The following PDE8B variants were observed in gnomAD, a reference collection of about 807,000 sequenced individuals.
PDE8B encodes the protein phosphodiesterase 8B.
In PDE8B, 26 loss-of-function variants were observed where a neutral mutation model predicts 101.3. The ratio of observed to expected loss-of-function variants is 0.26; its 90% CI spans 0.19 to 0.36. The LOEUF is 0.36. Ranked by LOEUF, PDE8B falls within the 10% of genes least tolerant of loss-of-function variation. PDE8B has a pLI of 1.00. For missense variants in PDE8B, 810 were observed against 1,163.1 expected (o/e 0.70, Z 4.42); for synonymous variants, 424 against 429.3 (o/e 0.99, Z 0.15).
chr5:77,181,666 A>G, the PDE8B span, among the ~76,000 whole-genome samples: 1 of 152,030 alleles, frequency 6.6e-6, no homozygotes, highest in Non-Finnish European at 1.5e-5. Flanking sequence ...TCCGCAGTTG[A>G]GTGGTGGTTA....
intron 9 of PDE8B, 40 bp from the exon 10 acceptor site, chr5:77,353,306 C>T: frequency 9.5e-7 from 1 of 1,047,720 alleles, no homozygotes. Context: ...GTTGAATCAT[C>T]TCATATCTGA....
chr5:77,380,090 C>T (rs902324185), intron 10 of PDE8B, among the ~76,000 whole-genome samples: 1 of 152,172 alleles, frequency 6.6e-6, no homozygotes, highest in Admixed American at 6.5e-5. Flanking sequence ...TTCATCTTAA[C>T]CAGGTTTTTT....
chr5:77,353,217 C>T lies in PDE8B; in HGVS notation c.1107-129C>T, dbSNP rs1781473914. 1.7e-5 allele frequency: 12 copies of T among 690,608 alleles called. No homozygotes were observed. In the South Asian group the frequency reaches 1.9e-4, roughly 11 times the overall value. 42.8% of individuals were successfully genotyped at this position (690,608 alleles called of 1,614,324 possible). A position where few individuals can be genotyped will look rare whatever the true frequency, so the allele number is the denominator to read the frequency against. Reference sequence around the variant, plus strand: ...TGTGTTTTCTGTAGATTGAGTCTTGCTTGAATTTTAAAACTGCCCTAGGAC... The same window carrying T: ...TGTGTTTTCTGTAGATTGAGTCTTGTTTGAATTTTAAAACTGCCCTAGGAC... On this transcript the variant is annotated intron_variant, in intron 9 of 21. Coordinates refer to ENST00000264917, the MANE Select transcript of PDE8B (RefSeq NM_003719.5).
chr5:77,303,424 C>T (rs1428431687), intron 1 of PDE8B, among the ~76,000 whole-genome samples: 1 of 152,012 alleles, frequency 6.6e-6, no homozygotes, highest in Non-Finnish European at 1.5e-5. Context: ...GTGTTCCCTA[C>T]TAAAATACAA....
At chr5:77,237,067 A>G (rs1195130078) in intron 1 of PDE8B, among the ~76,000 whole-genome samples, 2 of 152,120 alleles carry the variant, frequency 1.3e-5, no homozygotes, top group African/African-American at 4.8e-5. Flanking sequence ...TTTAATCTAA[A>G]GTTTACTTAG....
intron 1 of PDE8B, among the ~76,000 whole-genome samples, chr5:77,235,006 T>A (rs1028232171): frequency 2.6e-5 from 4 of 152,156 alleles, no homozygotes; most frequent in South Asian, 2.1e-4. Context: ...CAGTGGTCTC[T>A]CACCCCCAAC....
chr5:77,304,016 G>A (rs1770588360), intron 1 of PDE8B, among the ~76,000 whole-genome samples: 1 of 152,104 alleles, frequency 6.6e-6, no homozygotes, highest in African/African-American at 2.4e-5. Context: ...GAATATTCTT[G>A]TAAATGCCTC....
the PDE8B span, among the ~76,000 whole-genome samples, chr5:77,180,940 C>T: frequency 6.6e-6 from 1 of 151,274 alleles, no homozygotes; most frequent in Non-Finnish European, 1.5e-5. Flanking sequence ...AGTGAGTCGC[C>T]GGCAGCCCCA....
chr5:77,114,788 CA>C, the PDE8B span: 1 of 152,062 alleles, frequency 6.6e-6, no homozygotes, highest in Non-Finnish European at 1.5e-5. Context: ...CAACAATAAA[CA>C]TAATGCAATT....
intron 1 of PDE8B, among the ~76,000 whole-genome samples, chr5:77,307,136 C>G (rs147379298): frequency 2.2e-4 from 34 of 152,264 alleles, no homozygotes. Context: ...CCTTCCCAGT[C>G]GACCCTTTCT....
At chr5:77,231,015 G>A (rs554847216) in intron 1 of PDE8B, among the ~76,000 whole-genome samples, 1 of 152,314 alleles carries the variant, frequency 6.6e-6, no homozygotes, top group South Asian at 2.1e-4. Flanking sequence ...TGGTTCAGAA[G>A]TTTAGCATTA....
rs148859391 is a variant in PDE8B, at chr5:77,322,659, C to T, written c.400-2880C>T. The stretch of plus-strand genomic sequence containing the variant: ...TCTTGCCTTCAGGCATTTGCTCACA[C>T]GTCACTTTCTCAGCAGGACCTATTC... On this transcript the variant is annotated intron_variant, in intron 2 of 21. Coordinates refer to ENST00000264917, the MANE Select transcript of PDE8B (RefSeq NM_003719.5). 2.0e-3 allele frequency among the ~76,000 whole-genome samples: 310 copies of T among 152,326 alleles called. 1 individual carries two copies. The highest frequency in any genetic ancestry group is 0.011 in the South Asian group (52 of 4,816).
chr5:77,298,306 T>C (rs1207545939), intron 1 of PDE8B, among the ~76,000 whole-genome samples: 12 of 152,178 alleles, frequency 7.9e-5, no homozygotes, highest in South Asian at 2.1e-4. Context: ...TAGACTTAAA[T>C]TGAGGGCTGT....
intron 10 of PDE8B, among the ~76,000 whole-genome samples, chr5:77,356,208 C>T (rs1041522574): frequency 2.0e-5 from 3 of 152,148 alleles, no homozygotes; most frequent in Non-Finnish European, 2.9e-5. Flanking sequence ...CTAGCCTCTG[C>T]GTCCTGTCTC....
chr5:77,110,632 T>C, the PDE8B span, among the ~76,000 whole-genome samples: 1 of 152,174 alleles, frequency 6.6e-6, no homozygotes, highest in Non-Finnish European at 1.5e-5. Context: ...AGCTGCAGCT[T>C]TCTAAAGGAA....
intron 10 of PDE8B, among the ~76,000 whole-genome samples, chr5:77,376,980 C>T (rs551772560): frequency 3.2e-4 from 49 of 152,212 alleles, no homozygotes; most frequent in African/African-American, 9.2e-4. Context: ...AAGTGCCATC[C>T]GTCACTGACA....
At chr5:77,358,355 C>T (rs1325446103) in intron 10 of PDE8B, 6 of 731,726 alleles carry the variant, frequency 8.2e-6, no homozygotes, top group Admixed American at 6.3e-5. Flanking sequence ...CCCAGGAAAT[C>T]TTCCAAACCT....
chr5:77,425,847 G>A lies in PDE8B; in HGVS notation c.2499G>A (p.Gln833=), dbSNP rs760441833. ...DRNTCSIPKS[Q]ISFIDYFITD... ...ATACCTGTAGCATCCCCAAGTCTCAGATCTCTTTCATTGACTACTTCATAA... is the reference window on the plus strand; with the variant it reads ...ATACCTGTAGCATCCCCAAGTCTCAAATCTCTTTCATTGACTACTTCATAA... Residue 833 remains glutamine (Q), a synonymous_variant, in exon 21 of 22, where the codon CAG becomes CAA. Coordinates refer to ENST00000264917, the MANE Select transcript of PDE8B (RefSeq NM_003719.5). The A allele has an allele frequency of 6.2e-6, 10 of 1,613,370 alleles. No individual in the cohort carries two copies. The African/African-American group carries it at 1.1e-4, about 17-fold the overall frequency.
intron 10 of PDE8B, among the ~76,000 whole-genome samples, chr5:77,386,698 A>G (rs960024402): frequency 2.6e-5 from 4 of 151,930 alleles, no homozygotes; most frequent in African/African-American, 9.7e-5. Flanking sequence ...TCTCCTGAAT[A>G]CAGTATACTG....
Sources: gnomAD v4.1 joint callset for allele counts (sites outside exome capture counted in the v4.1 genomes callset) on GRCh38, gnomAD v4.1.1 for gene constraint, MANE v1.5 for transcripts, NCBI Gene and HGNC (gene_info 2026-07-23, HGNC 2026-07-21) for gene names.